The following SLC25A21 variants were observed in gnomAD, a reference collection of about 807,000 sequenced individuals.
SLC25A21 encodes mitochondrial 2-oxodicarboxylate carrier.
Under a neutral mutation model 43.8 loss-of-function variants are expected in SLC25A21, and 47 were observed. The observed-to-expected ratio is 1.07, with a 90% confidence interval of 0.85 to 1.37. SLC25A21 has a LOEUF of 1.37. Among genes scored for constraint, SLC25A21 ranks in the 40% most tolerant of loss-of-function variants. SLC25A21 has a pLI of 0.00. For missense variants in SLC25A21, 352 were observed against 350.2 expected, an observed-to-expected ratio of 1.00 and a Z score of -0.04; for synonymous variants, 131 against 121.3, an observed-to-expected ratio of 1.08 and a Z score of -0.52.
intron 1 of SLC25A21, among the ~76,000 whole-genome samples, chr14:36,984,429 G>A (rs551830151): frequency 4.6e-5 from 7 of 152,216 alleles, no homozygotes; most frequent in Admixed American, 3.3e-4. Context: ...AACTCAATGT[G>A]TACACAGTTT....
intron 1 of SLC25A21, among the ~76,000 whole-genome samples, chr14:36,896,092 C>G (rs1322080189): frequency 6.6e-6 from 1 of 152,114 alleles, no homozygotes; most frequent in Non-Finnish European, 1.5e-5. Context: ...TCCTGGATAT[C>G]CTCGTTAACT....
At position 36,893,823 on chromosome 14, in the gene SLC25A21, C is replaced by T. The variant is rs550094231; in HGVS notation, c.71-18819G>A. On this transcript the variant is annotated intron_variant, in intron 1 of 9. Coordinates refer to ENST00000331299, the MANE Select transcript of SLC25A21 (RefSeq NM_030631.4). ...GGAATCCTTTCCCTATTGCCTTTGT[C>T]AGGTTTGTCAAAGATCAGATGGTTG... Among the ~76,000 whole-genome samples the T allele has an allele frequency of 3.9e-5, 6 of 151,984 alleles. No homozygotes were observed. The South Asian group carries it at 1.2e-3, about 32-fold the overall frequency.
At chr14:36,996,855 A>G (rs1439609799) in intron 1 of SLC25A21, among the ~76,000 whole-genome samples, 2 of 152,176 alleles carry the variant, frequency 1.3e-5, no homozygotes, top group Admixed American at 6.5e-5. Flanking sequence ...AAATGAGATG[A>G]GGAAAAAATG....
At chr14:36,800,071 T>G (rs1887815295) in intron 3 of SLC25A21, among the ~76,000 whole-genome samples, 1 of 152,212 alleles carries the variant, frequency 6.6e-6, no homozygotes, top group Non-Finnish European at 1.5e-5. Flanking sequence ...TTGAATTCTT[T>G]TTTTTAAATT....
At chr14:36,835,630 T>C (rs1381091822) in intron 2 of SLC25A21, among the ~76,000 whole-genome samples, 1 of 152,238 alleles carries the variant, frequency 6.6e-6, no homozygotes, top group Non-Finnish European at 1.5e-5. Flanking sequence ...ATTCATTTTT[T>C]ACAAACACAC....
chr14:37,081,675 A>G (rs939987217), intron 1 of SLC25A21, among the ~76,000 whole-genome samples: 2 of 152,238 alleles, frequency 1.3e-5, no homozygotes, highest in African/African-American at 4.8e-5. Flanking sequence ...ATATAGTAAC[A>G]ATTAGGAATT....
chr14:36,873,716 G>C (rs1392447517), intron 2 of SLC25A21, among the ~76,000 whole-genome samples: 1 of 152,160 alleles, frequency 6.6e-6, no homozygotes, highest in Non-Finnish European at 1.5e-5. Context: ...ATTTGGAAGT[G>C]AGGTCTTTGG....
intron 1 of SLC25A21, among the ~76,000 whole-genome samples, chr14:36,960,043 A>AGGT (rs1341795103): frequency 2.6e-5 from 4 of 152,178 alleles, no homozygotes; most frequent in African/African-American, 9.7e-5. Flanking sequence ...AAATGAGATG[A>AGGT]GGTGGGCATG....
intron 1 of SLC25A21, among the ~76,000 whole-genome samples, chr14:36,936,287 T>C (rs1021151554): frequency 6.6e-6 from 1 of 152,162 alleles, no homozygotes; most frequent in Non-Finnish European, 1.5e-5. Flanking sequence ...TATTATCTCA[T>C]TAGGATTTGT....
rs559448039 is a variant in SLC25A21 at position 36,899,984 on chromosome 14, T to C, written c.71-24980A>G. 2.0e-5 allele frequency among the ~76,000 whole-genome samples: 3 copies of C among 152,264 alleles called. No individual in the cohort carries two copies. The South Asian group carries it at 6.2e-4, about 32-fold the overall frequency. On this transcript the variant is annotated intron_variant, in intron 1 of 9. Coordinates refer to ENST00000331299, the MANE Select transcript of SLC25A21 (RefSeq NM_030631.4). ...CAAAAATAATTTGTCAGGACTCTTTTGGTTGTATGAGAGAAAATTCAACAC... is the reference window on the plus strand; with the variant it reads ...CAAAAATAATTTGTCAGGACTCTTTCGGTTGTATGAGAGAAAATTCAACAC...
chr14:36,984,267 A>C (rs1243276713), intron 1 of SLC25A21, among the ~76,000 whole-genome samples: 3 of 152,192 alleles, frequency 2.0e-5, no homozygotes, highest in Non-Finnish European at 4.4e-5. Context: ...CAATGTTGTA[A>C]ACAAAGAGTT....
chr14:36,767,503 T>C (rs1886459040), intron 3 of SLC25A21, among the ~76,000 whole-genome samples: 2 of 152,206 alleles, frequency 1.3e-5, no homozygotes, highest in African/African-American at 2.4e-5. Context: ...ATCAAGTCTA[T>C]AAATTGTGTG....
At position 36,679,243 on chromosome 14, in the gene SLC25A21, A is replaced by G; in HGVS notation, c.*1415T>C. On this transcript the variant is annotated 3_prime_UTR_variant, in exon 10 of 10. Transcript: ENST00000331299. Reference sequence around the variant, plus strand: ...TTATTGAATATTGGACTGAAATATAAATTTTAAAAAACACGTTGGAAAGGA... The same window carrying G: ...TTATTGAATATTGGACTGAAATATAGATTTTAAAAAACACGTTGGAAAGGA... 1 of 984,314 alleles carries G rather than the reference A, an allele frequency of 1.0e-6. No individual in the cohort carries two copies. The highest frequency in any genetic ancestry group is 1.2e-6 in the Non-Finnish European group (1 of 828,918). 61.0% of individuals were successfully genotyped at this position (984,314 alleles called of 1,614,324 possible). A position where few individuals can be genotyped will look rare whatever the true frequency, so the allele number is the denominator to read the frequency against.
chr14:37,082,990 T>G (rs1324981968), intron 1 of SLC25A21, among the ~76,000 whole-genome samples: 1 of 152,188 alleles, frequency 6.6e-6, no homozygotes, highest in Non-Finnish European at 1.5e-5. Flanking sequence ...TTGTCTAAAG[T>G]TCATTCCACA....
chr14:37,089,216 A>G (rs781339787), intron 1 of SLC25A21, among the ~76,000 whole-genome samples: 21 of 152,138 alleles, frequency 1.4e-4, no homozygotes, highest in Non-Finnish European at 2.9e-4. Context: ...AAAATCATAG[A>G]CTTTCTAAAT....
At chr14:36,739,687 A>AG (rs1885175990) in intron 3 of SLC25A21, among the ~76,000 whole-genome samples, 1 of 46,444 alleles carries the variant, frequency 2.2e-5, no homozygotes, top group East Asian at 4.3e-4. Context: ...AAAAAAAAGA[A>AG]AAAAAAAAAA....
chr14:36,967,762 CA>C (rs1959651530), intron 1 of SLC25A21, among the ~76,000 whole-genome samples: 2 of 152,178 alleles, frequency 1.3e-5, no homozygotes, highest in Admixed American at 6.5e-5. Flanking sequence ...ATTGACAGCA[CA>C]CTCCCTGCCT....
intron 7 of SLC25A21, among the ~76,000 whole-genome samples, chr14:36,705,195 C>T (rs1219957172): frequency 6.7e-6 from 1 of 148,558 alleles, no homozygotes; most frequent in East Asian, 2.0e-4. Flanking sequence ...CGCCCGCCAC[C>T]ATGCCTGGTT....
chr14:36,796,087 C>T (rs1224154723), intron 3 of SLC25A21, among the ~76,000 whole-genome samples: 1 of 152,006 alleles, frequency 6.6e-6, no homozygotes, highest in Non-Finnish European at 1.5e-5. Context: ...TGAAATGTTG[C>T]ACAGTGGAAA....
Sources: allele counts gnomAD v4.1 joint callset (sites outside exome capture counted in the v4.1 genomes callset), GRCh38; gene constraint gnomAD v4.1.1; transcripts MANE v1.5; gene names NCBI Gene and HGNC (gene_info 2026-07-23, HGNC 2026-07-21).